Variants in RTL9 observed in about 807,000 individuals in gnomAD.
RTL9 encodes the protein retrotransposon Gag like 9.
In RTL9, 19 loss-of-function variants were observed where a neutral mutation model predicts 44.7. The observed-to-expected ratio is 0.42, with a 90% CI of 0.30 to 0.62. The LOEUF is 0.62. RTL9 is among the 20% of genes least tolerant of loss of function. RTL9 has a pLI of 0.16. For synonymous variants in RTL9, 407 were observed against 398.9 expected (o/e 1.02, Z -0.24); for missense variants, 1,105 against 1,080.6 (o/e 1.02, Z -0.32).
intron 1 of RTL9, among the ~76,000 whole-genome samples, chrX:110,359,441 C>T (rs1346472521): frequency 9.0e-6 from 1 of 111,184 alleles, no homozygotes; most frequent in Non-Finnish European, 1.9e-5. Context: ...ATTATCCCAT[C>T]TCAACTTGGG....
intron 1 of RTL9, among the ~76,000 whole-genome samples, chrX:110,437,613 C>A (rs2068848359): frequency 1.8e-5 from 2 of 111,955 alleles, no homozygotes; most frequent in Admixed American, 9.4e-5. Flanking sequence ...GGCAACTCCT[C>A]TTCATACCTT....
chrX:110,414,783 T>C (rs777393348), upstream of RTL9, among the ~76,000 whole-genome samples: 3 of 112,583 alleles, frequency 2.7e-5, no homozygotes, highest in African/African-American at 9.7e-5. Context: ...ACTACTCTGC[T>C]TAAAGTCCTT....
chrX:110,388,394 C>T (rs777408526), intron 1 of RTL9, among the ~76,000 whole-genome samples: 4 of 111,517 alleles, frequency 3.6e-5, no homozygotes, highest in Non-Finnish European at 7.5e-5. Flanking sequence ...AGGTCTGGTA[C>T]CTTTAAGAAG....
At chrX:110,388,088 C>T (rs949051566) in intron 1 of RTL9, among the ~76,000 whole-genome samples, 25 of 110,599 alleles carry the variant, frequency 2.3e-4, no homozygotes, top group African/African-American at 7.6e-4. Context: ...AGGATGGTCT[C>T]GATCTCCTGA....
intron 1 of RTL9, among the ~76,000 whole-genome samples, chrX:110,413,186 G>A (rs1349715357): frequency 9.0e-6 from 1 of 110,848 alleles, no homozygotes; most frequent in East Asian, 2.8e-4. Flanking sequence ...GTACCCTCTG[G>A]AAGCCCCCAC....
upstream of RTL9, among the ~76,000 whole-genome samples, chrX:110,448,298 G>A (rs900897279): frequency 1.8e-5 from 2 of 111,211 alleles, no homozygotes; most frequent in Non-Finnish European, 3.8e-5. Context: ...TCCAGCCTCA[G>A]TTTCTTTCCC....
rs760180664 is a variant in RTL9 at position 110,381,814 on chromosome X, CA to C, written c.-168+22907del. Among the ~76,000 whole-genome samples, 176 of 107,452 alleles carry C rather than the reference CA, an allele frequency of 1.6e-3. 3 individuals carry two copies. In the South Asian group the frequency reaches 0.037, roughly 23 times the overall value. 93.3% of individuals were successfully genotyped at this position (107,452 alleles called of 115,157 possible). ...GGCCATTATCCTAAGCAAATTAATG[CA>C]AAAAAAAATCACATATTCTCACTTA... On this transcript the variant is annotated intron_variant, in intron 1 of 2. Coordinates refer to the RTL9 transcript ENST00000520821.
chrX:110,368,404 C>T (rs1348052868), intron 1 of RTL9, among the ~76,000 whole-genome samples: 1 of 111,397 alleles, frequency 9.0e-6, no homozygotes, highest in East Asian at 2.8e-4. Context: ...TCTTTGATTA[C>T]TGAGATCAGC....
At chrX:110,451,787 G>A in exon 1 of RTL9, 1 of 1,211,817 alleles carries the variant, frequency 8.3e-7, no homozygotes, top group Non-Finnish European at 1.1e-6. Flanking sequence ...ATCCGCCAGT[G>A]AGAGCAACAG....
chrX:110,453,757 C>T, exon 1 of RTL9: 1 of 1,211,476 alleles, frequency 8.3e-7, no homozygotes, highest in Non-Finnish European at 1.1e-6. Context: ...CTACCAAGAG[C>T]CACAGCCTCT....
upstream of RTL9, among the ~76,000 whole-genome samples, chrX:110,414,400 G>A: frequency 8.9e-6 from 1 of 112,560 alleles, no homozygotes; most frequent in East Asian, 2.8e-4. Context: ...TTAAGAAAGG[G>A]TGAAGTGGAG....
At chrX:110,443,322 C>T (rs1282402550) in intron 1 of RTL9, among the ~76,000 whole-genome samples, 2 of 111,183 alleles carry the variant, frequency 1.8e-5, no homozygotes, top group Non-Finnish European at 3.8e-5. Context: ...GGTTCCTTGG[C>T]GTCACCCCAG....
At chrX:110,425,639 G>A (rs1433985154) in intron 1 of RTL9, among the ~76,000 whole-genome samples, 4 of 112,618 alleles carry the variant, frequency 3.6e-5, no homozygotes, top group African/African-American at 1.3e-4. Flanking sequence ...CAGGGCCTGT[G>A]CTAAACACTC....
chrX:110,406,060 C>T (rs1401196465), intron 1 of RTL9, among the ~76,000 whole-genome samples: 1 of 110,771 alleles, frequency 9.0e-6, no homozygotes. Flanking sequence ...TCCACCTCCA[C>T]CCCCGACTCC....
intron 1 of RTL9, among the ~76,000 whole-genome samples, chrX:110,406,010 G>A (rs1286921552): frequency 9.0e-6 from 1 of 111,692 alleles, no homozygotes; most frequent in African/African-American, 3.3e-5. Flanking sequence ...CCTAGCTGAA[G>A]GGCTTTCTAT....
rs976294401 is a variant in RTL9, at chrX:110,374,670, G to A, written c.-168+15754G>A. Among the ~76,000 whole-genome samples the A allele has an allele frequency of 8.0e-5, 9 of 112,092 alleles. No homozygotes were observed. In the Admixed American group the frequency reaches 8.5e-4, roughly 11 times the overall value. The stretch of plus-strand genomic sequence containing the variant: ...GAGCTGTTAAAGAAGGTTTCATAAA[G>A]GAAGTAGGACTTAGGCTGCATAGAA... On this transcript the variant is annotated intron_variant, in intron 1 of 2. Coordinates refer to the RTL9 transcript ENST00000520821.
At chrX:110,435,796 A>G (rs990906350) in intron 1 of RTL9, among the ~76,000 whole-genome samples, 10 of 112,463 alleles carry the variant, frequency 8.9e-5, no homozygotes, top group Non-Finnish European at 1.9e-4. Flanking sequence ...AACCCTGTTT[A>G]TATATATGTG....
exon 1 of RTL9, chrX:110,451,467 C>G: frequency 8.3e-7 from 1 of 1,211,983 alleles, no homozygotes; most frequent in Non-Finnish European, 1.1e-6. Flanking sequence ...TACATCACCC[C>G]AGCCAACAAG....
chrX:110,447,111 CTTTTTTTTTT>C (rs1181988453), upstream of RTL9, among the ~76,000 whole-genome samples: 2 of 36,827 alleles, frequency 5.4e-5, no homozygotes, highest in Non-Finnish European at 8.8e-5. Flanking sequence ...TATTCTGTGA[CTTTTTTTTTT>C]TTTTTTTTTT....
Sources: allele counts gnomAD v4.1 joint callset (sites outside exome capture counted in the v4.1 genomes callset), GRCh38; gene constraint gnomAD v4.1.1; transcripts MANE v1.5; gene names NCBI Gene and HGNC (gene_info 2026-07-23, HGNC 2026-07-21).